Variants in EFCAB8 observed in about 807,000 individuals in gnomAD.
The protein encoded by EFCAB8 is EF-hand calcium-binding domain-containing protein 8.
EFCAB8 carries 100 observed loss-of-function variants against 116.3 expected under a neutral mutation model. The observed-to-expected ratio is 0.86, with a 90% confidence interval of 0.73 to 1.02. The LOEUF (loss-of-function observed/expected upper bound fraction) is 1.02. Among genes scored for constraint, EFCAB8 ranks in the 50% least tolerant of loss-of-function variants. EFCAB8 has a pLI of 0.00. For synonymous variants in EFCAB8, 558 were observed against 567.9 expected, an observed-to-expected ratio of 0.98 and a Z score of 0.25; for missense variants, 1,320 against 1,416.9, an observed-to-expected ratio of 0.93 and a Z score of 1.10.
At chr20:32,898,687 C>A in intron 11 of EFCAB8, 64 bp downstream of exon 11, 1 of 697,662 alleles carries the variant, frequency 1.4e-6, no homozygotes, top group South Asian at 1.5e-5. Flanking sequence ...GGTGAGTGGA[C>A]CATGGGGGCT....
chr20:32,950,935 C>CG (rs1321795944), intron 23 of EFCAB8, among the ~76,000 whole-genome samples: 1 of 152,062 alleles, frequency 6.6e-6, no homozygotes, highest in Non-Finnish European at 1.5e-5. Flanking sequence ...TCCGAGATGA[C>CG]GGTGCTCCTG....
intron 11 of EFCAB8, among the ~76,000 whole-genome samples, chr20:32,902,942 C>T (rs1986498989): frequency 6.6e-6 from 1 of 152,192 alleles, no homozygotes; most frequent in African/African-American, 2.4e-5. Flanking sequence ...CCGACTGTCC[C>T]CTCTTCCTTC....
intron 17 of EFCAB8, among the ~76,000 whole-genome samples, chr20:32,914,594 GT>G (rs1286173996): frequency 2.0e-5 from 3 of 152,212 alleles, no homozygotes; most frequent in African/African-American, 7.2e-5. Context: ...TACAATCATA[GT>G]TAAAGGTGAA....
intron 22 of EFCAB8, among the ~76,000 whole-genome samples, chr20:32,937,486 G>T (rs1988166504): frequency 6.6e-6 from 1 of 152,098 alleles, no homozygotes; most frequent in Non-Finnish European, 1.5e-5. Flanking sequence ...GACTTAATAA[G>T]AAATAGAAAA....
chr20:32,958,183 G>A (rs979354501), intron 23 of EFCAB8, among the ~76,000 whole-genome samples: 1 of 152,156 alleles, frequency 6.6e-6, no homozygotes, highest in Admixed American at 6.6e-5. Flanking sequence ...CACATGTGGG[G>A]CAGGATGCTT....
chr20:32,927,616 A>T (rs747464221), intron 20 of EFCAB8, among the ~76,000 whole-genome samples: 2 of 152,186 alleles, frequency 1.3e-5, no homozygotes, highest in Non-Finnish European at 2.9e-5. Flanking sequence ...AAATGCTGGG[A>T]TTAGAGGCGA....
chr20:32,960,155 G>T lies in EFCAB8; in HGVS notation c.3387G>T (p.Lys1129Asn). ...CCAGGGTGCCATATGGCTGGATGAA[G>T]CATCAGGTAAGGTGGGATGGGGCAG... ...LSTRVPYGWM[K>N]HQISPQVYQS... Residue 1129 changes from lysine to asparagine, a missense_variant, in exon 26 of 27, where the codon AAG (lysine) becomes AAT (asparagine). By Grantham distance (94) the Lys-to-Asn change is moderately conservative (BLOSUM62 0). Coordinates refer to ENST00000400522, the MANE Select transcript of EFCAB8 (RefSeq NM_001143967.2). The T allele has an allele frequency of 6.4e-7, 1 of 1,551,668 alleles. No individual in the cohort carries two copies. The highest frequency in any genetic ancestry group is 8.7e-7 in the Non-Finnish European group (1 of 1,146,968).
chr20:32,888,941 G>GTTTGGTTGGTTTTT (rs1257720948), intron 6 of EFCAB8, among the ~76,000 whole-genome samples: 2 of 149,898 alleles, frequency 1.3e-5, no homozygotes, highest in Non-Finnish European at 3.0e-5. Flanking sequence ...ATATTCAAGA[G>GTTTGGTTGGTTTTT]TTTGGTTGGT....
chr20:32,960,792 T>C (rs1307263264), intron 26 of EFCAB8, among the ~76,000 whole-genome samples: 2 of 152,174 alleles, frequency 1.3e-5, no homozygotes, highest in Non-Finnish European at 2.9e-5. Context: ...GGGGAGAGGC[T>C]GGTGTGAGAT....
intron 4 of EFCAB8, among the ~76,000 whole-genome samples, chr20:32,876,486 T>A (rs1040611349): frequency 6.6e-6 from 1 of 152,208 alleles, no homozygotes; most frequent in Non-Finnish European, 1.5e-5. Context: ...TTTTTCTGGT[T>A]CTAAACGTTC....
At chr20:32,939,242 GCCTTCCTT>G (rs1189594178) in intron 22 of EFCAB8, among the ~76,000 whole-genome samples, 1 of 74,598 alleles carries the variant, frequency 1.3e-5, no homozygotes, top group South Asian at 4.7e-4. Flanking sequence ...CTCCCTCCCT[GCCTTCCTT>G]CCTTCCATAT....
Position 32,961,348 on chromosome 20 carries a change from G to T in EFCAB8, c.3606G>T (p.Leu1202Phe). The change falls in exon 27 of 27, where the codon TTG (leucine) becomes TTT (phenylalanine). Residue 1202 changes from leucine to phenylalanine, a missense_variant. Transcript: ENST00000400522. ...TPAAASSPSS[L>F]LSVTASASRL... The stretch of plus-strand genomic sequence containing the variant: ...CGGCCGCCTCCTCCCCATCTTCCTT[G>T]TTATCTGTCACTGCCTCAGCCTCCA... The T allele has an allele frequency of 6.8e-7, 1 of 1,477,286 alleles. No individual in the cohort carries two copies. The highest frequency in any genetic ancestry group is 9.0e-7 in the Non-Finnish European group (1 of 1,113,540). 91.5% of individuals were successfully genotyped at this position (1,477,286 alleles called of 1,614,324 possible). A position where few individuals can be genotyped will look rare whatever the true frequency, so the allele number is the denominator to read the frequency against.
intron 3 of EFCAB8, among the ~76,000 whole-genome samples, chr20:32,872,335 G>A (rs1487286987): frequency 6.6e-6 from 1 of 152,114 alleles, no homozygotes; most frequent in Non-Finnish European, 1.5e-5. Context: ...AGAGAACAAT[G>A]CCTGGCATGA....
chr20:32,934,200 A>T (rs1364398030), intron 22 of EFCAB8, among the ~76,000 whole-genome samples: 2 of 152,152 alleles, frequency 1.3e-5, no homozygotes, highest in Non-Finnish European at 1.5e-5. Context: ...ACAATCATGC[A>T]GTATTTTTCT....
chr20:32,878,843 T>C, intron 5 of EFCAB8, 36 bp downstream of exon 5: 3 of 1,530,242 alleles, frequency 2.0e-6, no homozygotes, highest in Non-Finnish European at 2.7e-6. Context: ...GTGGGTGGGG[T>C]GACTGGACAA....
chr20:32,918,723 C>A, intron 19 of EFCAB8, 149 bp downstream of exon 19: 1 of 769,426 alleles, frequency 1.3e-6, no homozygotes, highest in Non-Finnish European at 2.1e-6. Context: ...CATTGTGGGC[C>A]TGGGCAGGGC....
intron 11 of EFCAB8, among the ~76,000 whole-genome samples, chr20:32,903,876 G>A (rs1168555642): frequency 1.3e-5 from 2 of 152,162 alleles, no homozygotes; most frequent in African/African-American, 4.8e-5. Context: ...GAGCCACAGT[G>A]TTGTCCAGGT....
In EFCAB8 at chr20:32,911,519, G is replaced by GAGGTCGTGACGGGC; in HGVS notation, c.1601_1614dup (p.Lys539SerfsTer2). On this transcript the variant is annotated frameshift_variant, in exon 16 of 27. Coordinates refer to ENST00000400522, the MANE Select transcript of EFCAB8 (RefSeq NM_001143967.2). LOFTEE classifies it high-confidence loss of function. Reference sequence around the variant, plus strand: ...CCTGCGCGGCACAGTGAGTGTGTGGGAGGTCGTGACGGGCAGGAAGACGAT... The same window carrying GAGGTCGTGACGGGC: ...CCTGCGCGGCACAGTGAGTGTGTGGGAGGTCGTGACGGGCAGGTCGTGACGGGCAGGAAGACGAT... 6.6e-7 allele frequency: 1 copy of GAGGTCGTGACGGGC among 1,510,938 alleles called. No individual in the cohort carries two copies. Among genetic ancestry groups the GAGGTCGTGACGGGC allele is most frequent in the East Asian group, 2.5e-5 (1 of 40,562 alleles). The allele number at this position is 1,510,938 out of a possible 1,614,324, so 93.6% of individuals were successfully genotyped here.
chr20:32,871,417 G>C (rs1475463039), intron 3 of EFCAB8, among the ~76,000 whole-genome samples: 1 of 151,958 alleles, frequency 6.6e-6, no homozygotes, highest in South Asian at 2.1e-4. Flanking sequence ...AGGACTACAG[G>C]TGCATGCTAC....
Sources: allele counts gnomAD v4.1 joint callset (sites outside exome capture counted in the v4.1 genomes callset), GRCh38; gene constraint gnomAD v4.1.1; transcripts MANE v1.5; gene names NCBI Gene and HGNC (gene_info 2026-07-23, HGNC 2026-07-21).